OSBPL9: variants seen among roughly 807,000 people sequenced by gnomAD.
The protein encoded by OSBPL9 is oxysterol-binding protein-related protein 9.
In OSBPL9, 40 loss-of-function variants were observed where a neutral mutation model predicts 106.6. The observed-to-expected ratio is 0.38, with a 90% CI of 0.29 to 0.49. OSBPL9 has a LOEUF of 0.49. Ranked by LOEUF, OSBPL9 falls within the 20% of genes least tolerant of loss-of-function variation. OSBPL9 has a pLI of 0.97. For synonymous variants in OSBPL9, 269 were observed against 295.4 expected, an observed-to-expected ratio of 0.91 and a Z score of 0.92; for missense variants, 609 against 887.2, an observed-to-expected ratio of 0.69 and a Z score of 3.98.
intron 4 of OSBPL9, among the ~76,000 whole-genome samples, chr1:51,736,372 G>A (rs185666813): frequency 2.0e-5 from 3 of 152,284 alleles, no homozygotes; most frequent in Admixed American, 2.0e-4. Context: ...CAGAACAATT[G>A]TTGAGTCTAT....
At chr1:51,747,553 CTTTTTTTTTTTTT>C (rs746109312) in intron 6 of OSBPL9, among the ~76,000 whole-genome samples, 1,697 of 42,458 alleles carry the variant, frequency 0.04, 72 homozygotes, top group African/African-American at 0.14. Flanking sequence ...CTCTCCTTGG[CTTTTTTTTTTTTT>C]TTTTTTTTTT....
chr1:51,712,659 AG>A (rs1209540054), intron 3 of OSBPL9, among the ~76,000 whole-genome samples: 5 of 152,108 alleles, frequency 3.3e-5, no homozygotes, highest in African/African-American at 1.2e-4. Context: ...AAAATAAAAA[AG>A]GAAAAAATTA....
chr1:51,760,778 C>T lies in OSBPL9; in HGVS notation c.671C>T (p.Pro224Leu). ...STMPSQTVLPPEPVQLCKSEQ... is the reference protein window; with the variant it reads ...STMPSQTVLPLEPVQLCKSEQ... ...ATGCCTTCCCAGACTGTGTTACCTCCAGGTAATTTGGGAAAATGTTTCTTA... is the reference window on the plus strand; with the variant it reads ...ATGCCTTCCCAGACTGTGTTACCTCTAGGTAATTTGGGAAAATGTTTCTTA... Residue 224 changes from proline to leucine, a missense_variant and splice_region_variant, in exon 10 of 24, where the codon CCA (proline) becomes CTA (leucine). Physicochemically the swap from Pro to Leu is moderately conservative, Grantham distance 98. Around this residue, in one of 5 missense-constraint regions of OSBPL9, gnomAD observed 356 missense variants for 505.8 expected, o/e 0.70. Coordinates refer to ENST00000428468, the MANE Select transcript of OSBPL9 (RefSeq NM_024586.6). 1 of 1,613,394 alleles carries T rather than the reference C, an allele frequency of 6.2e-7. No homozygotes were observed. Among genetic ancestry groups the T allele is most frequent in the Non-Finnish European group, 8.5e-7 (1 of 1,179,692 alleles).
the OSBPL9 span, among the ~76,000 whole-genome samples, chr1:51,546,072 A>T: frequency 4.5e-4 from 68 of 152,230 alleles, 2 homozygotes; most frequent in South Asian, 0.012. Flanking sequence ...ACTGGAGTGC[A>T]GTGGCGCAAT....
chr1:51,584,816 G>C (rs189203230), intron 1 of OSBPL9, among the ~76,000 whole-genome samples: 180 of 152,296 alleles, frequency 1.2e-3, no homozygotes, highest in Non-Finnish European at 1.9e-3. Context: ...ACAGCAGAAA[G>C]AAAGGACCCT....
chr1:51,562,931 G>C, the OSBPL9 span, among the ~76,000 whole-genome samples: 1 of 152,262 alleles, frequency 6.6e-6, no homozygotes, highest in East Asian at 1.9e-4. Context: ...TCCCTTGGCT[G>C]GGTGCAGTGG....
the OSBPL9 span, chr1:51,519,156 G>C: frequency 7.2e-7 from 1 of 1,387,970 alleles, no homozygotes; most frequent in Non-Finnish European, 9.6e-7. Flanking sequence ...TGGGGGAGGG[G>C]GCACCGGCCG....
At chr1:51,518,772 G>T in the OSBPL9 span, among the ~76,000 whole-genome samples, 6 of 151,964 alleles carry the variant, frequency 3.9e-5, no homozygotes, top group East Asian at 1.2e-3. Flanking sequence ...GGCGAGCCTC[G>T]TGCGGCCCGG....
rs553675507 is a variant in OSBPL9 at position 51,592,775 on chromosome 1, A to T, written c.-422-5349A>T. On this transcript the variant is annotated intron_variant, in intron 1 of 25. Coordinates refer to the OSBPL9 transcript ENST00000371714. The stretch of plus-strand genomic sequence containing the variant: ...CCTGATTCCAGAGCATTTCCTAAAT[A>T]TTTATTGATAATACCCTTGGGCATT... Among the ~76,000 whole-genome samples the T allele has an allele frequency of 5.1e-4, 78 of 152,286 alleles. 1 individual carries two copies. Among genetic ancestry groups the T allele is most frequent in the Non-Finnish European group, 8.4e-4 (57 of 68,020 alleles).
At chr1:51,519,839 A>G in the OSBPL9 span, among the ~76,000 whole-genome samples, 3 of 152,222 alleles carry the variant, frequency 2.0e-5, no homozygotes, top group South Asian at 2.1e-4. Context: ...ACCATCTGCT[A>G]GTATATTGGA....
chr1:51,656,658 T>C (rs536764036), intron 2 of OSBPL9, among the ~76,000 whole-genome samples: 69 of 134,698 alleles, frequency 5.1e-4, no homozygotes, highest in African/African-American at 1.6e-3. Flanking sequence ...CTCCTCCCCC[T>C]CCTCGCTCTC....
At chr1:51,681,355 T>G (rs1458328748) in intron 3 of OSBPL9, among the ~76,000 whole-genome samples, 1 of 152,182 alleles carries the variant, frequency 6.6e-6, no homozygotes, top group Non-Finnish European at 1.5e-5. Context: ...GAGAAAATAT[T>G]TATTCATAAG....
At chr1:51,658,938 C>G (rs754536869) in intron 2 of OSBPL9, among the ~76,000 whole-genome samples, 1 of 151,976 alleles carries the variant, frequency 6.6e-6, no homozygotes, top group Non-Finnish European at 1.5e-5. Context: ...AGCTCTTTCT[C>G]TTCTCTATGA....
chr1:51,714,191 T>C (rs1660621508), intron 4 of OSBPL9, 112 bp downstream of exon 4: 2 of 716,838 alleles, frequency 2.8e-6, no homozygotes, highest in Non-Finnish European at 4.4e-6. Flanking sequence ...TAGGAACTTA[T>C]AATTTCTGAG....
At chr1:51,730,183 G>T in intron 4 of OSBPL9, 1 of 1,235,666 alleles carries the variant, frequency 8.1e-7, no homozygotes, top group Non-Finnish European at 1.0e-6. Flanking sequence ...CAGTTCCTCA[G>T]CCTAGATGGG....
At chr1:51,745,123 G>C (rs145816164) in intron 4 of OSBPL9, 1 of 162,480 alleles carries the variant, frequency 6.2e-6, no homozygotes, top group East Asian at 1.9e-4. Flanking sequence ...AGAATATGAA[G>C]TTAACATTAA....
Position 51,729,753 on chromosome 1 carries a change from C to G in OSBPL9, c.318+15674C>G. On this transcript the variant is annotated intron_variant, in intron 4 of 23. Transcript: ENST00000428468. The surrounding 1 kb of genome is among the most constrained non-coding windows in gnomAD (Gnocchi z 5.1). Reference sequence around the variant, plus strand: ...CCAGGGGTCTCTTTGCCAGGAGCCGCCAGGGCCAGCCAATCGGGGCGACCC... The same window carrying G: ...CCAGGGGTCTCTTTGCCAGGAGCCGGCAGGGCCAGCCAATCGGGGCGACCC... 1 of 1,150,972 alleles carries G rather than the reference C, an allele frequency of 8.7e-7. No individual in the cohort carries two copies. Among genetic ancestry groups the G allele is most frequent in the Non-Finnish European group, 1.1e-6 (1 of 909,994 alleles). 71.3% of individuals were successfully genotyped at this position (1,150,972 alleles called of 1,614,324 possible). A position where few individuals can be genotyped will look rare whatever the true frequency, so the allele number is the denominator to read the frequency against.
At chr1:51,541,831 C>T in the OSBPL9 span, among the ~76,000 whole-genome samples, 2 of 152,280 alleles carry the variant, frequency 1.3e-5, no homozygotes, top group Admixed American at 1.3e-4. Context: ...GTCCAGTTTA[C>T]TCTCCCTCTG....
rs752831180 is a variant in OSBPL9 at position 51,772,200 on chromosome 1, A to AT, written c.1051+21dup. ...TGATGCTGGTAAGTGACCTTTGATA[A>AT]TTTAACTTTTTTTTCTTTAAAAATA... On this transcript the variant is annotated intron_variant, in intron 13 of 23. Transcript: ENST00000428468. 5.0e-6 allele frequency: 8 copies of AT among 1,587,696 alleles called. No individual in the cohort carries two copies. The African/African-American group carries it at 6.8e-5, about 13-fold the overall frequency.
Sources: gnomAD v4.1 joint callset for allele counts (sites outside exome capture counted in the v4.1 genomes callset) on GRCh38, gnomAD v4.1.1 for gene constraint, gnomAD v4.1.1 regional missense constraint, Gnocchi (gnomAD v3.1) non-coding constraint, MANE v1.5 for transcripts, NCBI Gene and HGNC (gene_info 2026-07-23, HGNC 2026-07-21) for gene names.